The following BRINP3 variants were observed in gnomAD, a reference collection of about 807,000 sequenced individuals.
The protein encoded by BRINP3 is BMP/retinoic acid-inducible neural-specific protein 3.
A neutral mutation model predicts 71.0 loss-of-function variants in BRINP3; 19 were observed. That is an observed-to-expected ratio of 0.27 (90% CI 0.19 to 0.39). The LOEUF (loss-of-function observed/expected upper bound fraction) is 0.39. Ranked by LOEUF, BRINP3 falls within the 10% of genes least tolerant of loss-of-function variation. The probability of loss-of-function intolerance (pLI) is 1.00; values close to 1 mark genes in which losing one functional copy is unlikely to be tolerated. For synonymous variants in BRINP3, 380 were observed against 337.7 expected (o/e 1.13, Z -1.37); for missense variants, 959 against 940.8 (o/e 1.02, Z -0.25).
chr1:190,347,531 T>A (rs544465581), intron 2 of BRINP3, among the ~76,000 whole-genome samples: 1 of 152,320 alleles, frequency 6.6e-6, no homozygotes, highest in Non-Finnish European at 1.5e-5. Context: ...AATCTGTTTC[T>A]CCAGGATTTT....
intron 2 of BRINP3, among the ~76,000 whole-genome samples, chr1:190,354,641 G>C (rs540753559): frequency 6.6e-6 from 1 of 151,920 alleles, no homozygotes; most frequent in African/African-American, 2.4e-5. Context: ...TCTTTGCTGA[G>C]ATTAATTGCC....
intron 7 of BRINP3, 37 bp downstream of exon 7, chr1:190,160,631 A>C (rs772582510): frequency 3.8e-6 from 6 of 1,567,374 alleles, no homozygotes; most frequent in Non-Finnish European, 5.2e-6. Flanking sequence ...TTTTTCGGCA[A>C]TAAACTTAAT....
intron 2 of BRINP3, among the ~76,000 whole-genome samples, chr1:190,404,440 C>T (rs1308242932): frequency 2.0e-5 from 3 of 152,076 alleles, no homozygotes; most frequent in Non-Finnish European, 4.4e-5. Flanking sequence ...CATATGCTCA[C>T]GACTTGATGT....
At chr1:190,181,590 C>A (rs754536959) in intron 6 of BRINP3, among the ~76,000 whole-genome samples, 1 of 151,850 alleles carries the variant, frequency 6.6e-6, no homozygotes, top group Non-Finnish European at 1.5e-5. Flanking sequence ...TTACACTATG[C>A]GTACAAAACT....
chr1:190,244,800 A>G (rs1047400669), intron 4 of BRINP3, among the ~76,000 whole-genome samples: 5 of 152,068 alleles, frequency 3.3e-5, no homozygotes, highest in African/African-American at 4.8e-5. Flanking sequence ...GAGCCAGTAT[A>G]GTATATTAGA....
chr1:190,224,383 G>C (rs912976977), intron 6 of BRINP3, among the ~76,000 whole-genome samples: 2 of 151,528 alleles, frequency 1.3e-5, no homozygotes, highest in African/African-American at 4.8e-5. Flanking sequence ...ATACGTTGGG[G>C]AAAAGAAAAT....
At chr1:190,208,565 T>C (rs1655715172) in intron 6 of BRINP3, among the ~76,000 whole-genome samples, 1 of 152,094 alleles carries the variant, frequency 6.6e-6, no homozygotes, top group Non-Finnish European at 1.5e-5. Context: ...AAATCGCAGC[T>C]CACTGCAACA....
intron 7 of BRINP3, among the ~76,000 whole-genome samples, chr1:190,140,412 C>T (rs905077936): frequency 3.3e-5 from 5 of 151,926 alleles, no homozygotes; most frequent in African/African-American, 7.2e-5. Flanking sequence ...CTTCATTTGC[C>T]ATGAAAACAT....
chr1:190,342,211 C>T (rs1667705233), intron 2 of BRINP3, among the ~76,000 whole-genome samples: 2 of 151,534 alleles, frequency 1.3e-5, no homozygotes, highest in Admixed American at 6.6e-5. Flanking sequence ...CCAGAATAGT[C>T]TCCCCATTAA....
intron 2 of BRINP3, among the ~76,000 whole-genome samples, chr1:190,377,040 A>G (rs1247300587): frequency 1.3e-5 from 2 of 152,046 alleles, no homozygotes; most frequent in Non-Finnish European, 2.9e-5. Flanking sequence ...AGAACAAATA[A>G]GAAAATTTTA....
At position 190,368,213 on chromosome 1, in the gene BRINP3, G is replaced by A. The variant is rs142994570; in HGVS notation, c.236+86442C>T. ...GGAAACTTACAATAATGGTGGAAGG[G>A]GAAGTAAACATGTCCTTCTTCACAT... On this transcript the variant is annotated intron_variant, in intron 2 of 7. Transcript: ENST00000367462. Among the ~76,000 whole-genome samples, 4 of 152,202 alleles carry A rather than the reference G, an allele frequency of 2.6e-5. No homozygotes were observed. In the East Asian group the frequency reaches 7.7e-4, roughly 29 times the overall value.
intron 2 of BRINP3, among the ~76,000 whole-genome samples, chr1:190,318,337 T>C (rs1558177401): frequency 6.6e-6 from 1 of 152,162 alleles, no homozygotes; most frequent in Non-Finnish European, 1.5e-5. Context: ...TTGATTCTTT[T>C]ATTTCTATAA....
At chr1:190,309,324 T>C (rs1183834009) in intron 2 of BRINP3, among the ~76,000 whole-genome samples, 1 of 151,870 alleles carries the variant, frequency 6.6e-6, no homozygotes, top group African/African-American at 2.4e-5. Flanking sequence ...CATTTTTTAA[T>C]AAATAGATTT....
rs941905032 is a variant in BRINP3 at position 190,280,463 on chromosome 1, GA to G, written c.427+1096del. Among the ~76,000 whole-genome samples, 453 of 148,864 alleles carry G rather than the reference GA, an allele frequency of 3.0e-3. 2 individuals carry two copies. The highest frequency in any genetic ancestry group is 9.0e-3 in the African/African-American group (366 of 40,686). Reference sequence around the variant, plus strand: ...AGAAGGGACCATTTGAGTATTGTAGGAAAAAAAAAATGATGATGTCTTGGTC... The same window carrying G: ...AGAAGGGACCATTTGAGTATTGTAGGAAAAAAAAATGATGATGTCTTGGTC... On this transcript the variant is annotated intron_variant, in intron 3 of 7. Coordinates refer to ENST00000367462, the MANE Select transcript of BRINP3 (RefSeq NM_199051.3).
At position 190,391,244 on chromosome 1, in the gene BRINP3, T is replaced by G. The variant is rs748687694; in HGVS notation, c.236+63411A>C. On this transcript the variant is annotated intron_variant, in intron 2 of 7. Coordinates refer to ENST00000367462, the MANE Select transcript of BRINP3 (RefSeq NM_199051.3). ...GAACTCTATGACCTCCCTCTGCTTA[T>G]TTCCTACTTCTGAATGTGTGGAAAT... is the stretch of plus-strand genomic sequence containing the variant. Among the ~76,000 whole-genome samples, 57 of 151,786 alleles carry G rather than the reference T, an allele frequency of 3.8e-4. 1 individual carries two copies. The highest frequency in any genetic ancestry group is 7.7e-4 in the Non-Finnish European group (52 of 67,846).
At chr1:190,366,705 G>A (rs1205828224) in intron 2 of BRINP3, among the ~76,000 whole-genome samples, 1 of 152,096 alleles carries the variant, frequency 6.6e-6, no homozygotes, top group East Asian at 1.9e-4. Flanking sequence ...ACAATGGGGG[G>A]TACAGTCATT....
intron 7 of BRINP3, among the ~76,000 whole-genome samples, chr1:190,150,959 T>C (rs927382137): frequency 6.6e-6 from 1 of 151,880 alleles, no homozygotes; most frequent in African/African-American, 2.4e-5. Context: ...GACCACCACA[T>C]CCTCAGAATA....
At chr1:190,286,167 A>T (rs144108668) in intron 2 of BRINP3, among the ~76,000 whole-genome samples, 94 of 152,240 alleles carry the variant, frequency 6.2e-4, no homozygotes, top group African/African-American at 2.1e-3. Context: ...CTATTTGTTT[A>T]TTAGAGTTTT....
At chr1:190,186,846 T>G (rs968579223) in intron 6 of BRINP3, among the ~76,000 whole-genome samples, 3 of 152,142 alleles carry the variant, frequency 2.0e-5, no homozygotes, top group Middle Eastern at 3.2e-3. Flanking sequence ...AAAAATCATA[T>G]TCTCCCAGTT....
Sources: allele counts gnomAD v4.1 joint callset (sites outside exome capture counted in the v4.1 genomes callset), GRCh38; gene constraint gnomAD v4.1.1; transcripts MANE v1.5; gene names NCBI Gene and HGNC (gene_info 2026-07-23, HGNC 2026-07-21).